Variants in ATG12 observed in about 807,000 individuals in gnomAD.
ATG12 encodes the protein autophagy related 12, also known as ubiquitin-like protein ATG12.
A neutral mutation model predicts 17.6 loss-of-function variants in ATG12; 19 were observed. The ratio of observed to expected loss-of-function variants is 1.08; its 90% confidence interval spans 0.75 to 1.58. ATG12 has a LOEUF of 1.58. ATG12 is among the 40% of genes most tolerant of loss of function. ATG12 has a pLI of 0.00. For missense variants in ATG12, 214 were observed against 162.0 expected (o/e 1.32, Z -1.74); for synonymous variants, 75 against 62.4 (o/e 1.20, Z -0.95).
intron 2 of ATG12, among the ~76,000 whole-genome samples, chr5:115,836,073 TTTTAG>T (rs1224843995): frequency 6.6e-6 from 1 of 152,182 alleles, no homozygotes; most frequent in African/African-American, 2.4e-5. Flanking sequence ...GAGGTATCAG[TTTTAG>T]TTTAATCTAG....
chr5:115,840,902 G>A (rs1309897706), intron 1 of ATG12: 32 of 1,288,198 alleles, frequency 2.5e-5, no homozygotes, highest in Non-Finnish European at 3.0e-5. Context: ...ATAAGAATTT[G>A]GTTTTTGGTT....
chr5:115,831,613 G>A lies in ATG12; in HGVS notation c.*191C>T, dbSNP rs931739782. 3.2e-6 allele frequency: 2 copies of A among 632,920 alleles called. No individual in the cohort carries two copies. The highest frequency in any genetic ancestry group is 1.8e-5 in the South Asian group (1 of 54,522). 39.2% of individuals were successfully genotyped at this position (632,920 alleles called of 1,614,324 possible). A position where few individuals can be genotyped will look rare whatever the true frequency, so the allele number is the denominator to read the frequency against. On this transcript the variant is annotated 3_prime_UTR_variant, in exon 4 of 4. Coordinates refer to ENST00000509910, the MANE Select transcript of ATG12 (RefSeq NM_004707.4). ...ATGACCATCTTTTATGATGACTGGTGCATTAATACAAATCACATTTTTCTG... is the reference window on the plus strand; with the variant it reads ...ATGACCATCTTTTATGATGACTGGTACATTAATACAAATCACATTTTTCTG...
At chr5:115,832,548 GA>G (rs898279346) in intron 3 of ATG12, 53 bp downstream of exon 3, 36 of 1,190,610 alleles carry the variant, frequency 3.0e-5, no homozygotes, top group South Asian at 8.7e-5. Context: ...ACTCGATTAA[GA>G]AAAAAAAGCA....
intron 2 of ATG12, among the ~76,000 whole-genome samples, chr5:115,836,546 C>T (rs1375509524): frequency 2.0e-5 from 3 of 152,038 alleles, no homozygotes; most frequent in African/African-American, 7.2e-5. Flanking sequence ...GTTTTTTGCT[C>T]CTCCCTGACA....
intron 2 of ATG12, chr5:115,832,890 T>G (rs1760945953): frequency 2.5e-6 from 1 of 396,558 alleles, no homozygotes; most frequent in Admixed American, 4.5e-5. Flanking sequence ...GAACAGTGGT[T>G]CCTAACTTTG....
chr5:115,841,138 C>CA (rs918059299), intron 1 of ATG12: 5 of 396,726 alleles, frequency 1.3e-5, no homozygotes, highest in East Asian at 7.3e-5. Context: ...CTGGCCAACT[C>CA]AAAAAAATAC....
Position 115,836,274 on chromosome 5 carries a change from G to A in ATG12, c.300+1354C>T, listed in dbSNP as rs546758378. Among the ~76,000 whole-genome samples, 53 of 152,280 alleles carry A rather than the reference G, an allele frequency of 3.5e-4. 1 individual carries two copies. The South Asian group carries it at 0.011, about 30-fold the overall frequency. ...ATCAATCAAGTCCTTTCAGGTTACTGAATGAATACAGGCAATACAAAATTT... is the reference window on the plus strand; with the variant it reads ...ATCAATCAAGTCCTTTCAGGTTACTAAATGAATACAGGCAATACAAAATTT... On this transcript the variant is annotated intron_variant, in intron 2 of 3. Transcript: ENST00000509910.
At chr5:115,832,798 CTAAA>C in intron 2 of ATG12, 134 bp from the exon 3 acceptor site, 1 of 799,994 alleles carries the variant, frequency 1.3e-6, no homozygotes, top group Non-Finnish European at 1.9e-6. Context: ...CCTAACTTTT[CTAAA>C]TAGTCAATTT....
At chr5:115,837,093 G>A (rs557672285) in intron 2 of ATG12, among the ~76,000 whole-genome samples, 15 of 152,146 alleles carry the variant, frequency 9.9e-5, no homozygotes, top group Admixed American at 2.0e-4. Context: ...TTATGCATGG[G>A]TATTCATGCA....
At position 115,832,571 on chromosome 5, in the gene ATG12, C is replaced by CTTTTTTTT. The variant is rs35310189; in HGVS notation, c.363+23_363+30dup. 1.5e-4 allele frequency: 120 copies of CTTTTTTTT among 802,450 alleles called. 2 individuals carry two copies. In the African/African-American group the frequency reaches 2.7e-3, roughly 18 times the overall value. 49.7% of individuals were successfully genotyped at this position (802,450 alleles called of 1,614,324 possible). On this transcript the variant is annotated intron_variant, in intron 3 of 3. Transcript: ENST00000509910. Reference sequence around the variant, plus strand: ...AAGAAAAAAAAGCAGTAATTTCTTTCTTTTTTTTTTTTTTTTTTTTTTTTT... The same window carrying CTTTTTTTT: ...AAGAAAAAAAAGCAGTAATTTCTTTCTTTTTTTTTTTTTTTTTTTTTTTTTTTTTTTTT...
At chr5:115,838,012 G>A (rs1761177213) in intron 1 of ATG12, 2 of 337,936 alleles carry the variant, frequency 5.9e-6, no homozygotes, top group Non-Finnish European at 1.1e-5. Context: ...CCAAAGAGAG[G>A]AAATACAAAT....
intron 1 of ATG12, chr5:115,838,404 G>A (rs1190465885): frequency 6.6e-6 from 1 of 152,222 alleles, no homozygotes; most frequent in African/African-American, 2.4e-5. Flanking sequence ...TTAACTGCCT[G>A]GGGTTCGAAT....
chr5:115,831,827 A>G lies in ATG12; in HGVS notation c.400T>C (p.Cys134Arg). ...GTTCATCCCCACGCCTGAGACTTGCAGTAATGTAAAACCAGTTTACCATCA... is the reference window on the plus strand; with the variant it reads ...GTTCATCCCCACGCCTGAGACTTGCGGTAATGTAAAACCAGTTTACCATCA... ...GSDGKLVLHY[C>R]KSQAWG The change falls in exon 4 of 4, where the codon TGC (cysteine) becomes CGC (arginine). Residue 134 changes from cysteine (C) to arginine (R), a missense_variant. By Grantham distance (180) the Cys-to-Arg change is radical. Coordinates refer to ENST00000509910, the MANE Select transcript of ATG12 (RefSeq NM_004707.4). The G allele has an allele frequency of 6.2e-7, 1 of 1,612,704 alleles. No individual in the cohort carries two copies. Among genetic ancestry groups the G allele is most frequent in the Non-Finnish European group, 8.5e-7 (1 of 1,179,500 alleles).
In ATG12 at chr5:115,828,822, G is replaced by A. The variant is rs1040816462; in HGVS notation, c.*2982C>T. ...AAAAACCAGAATAACTGGACACATG[G>A]CTCTGAGGCAGTATGCAATAAGTGA... is the stretch of plus-strand genomic sequence containing the variant. On this transcript the variant is annotated 3_prime_UTR_variant, in exon 4 of 4. Transcript: ENST00000509910. 1.3e-5 allele frequency: 2 copies of A among 152,170 alleles called. No homozygotes were observed. Among genetic ancestry groups the A allele is most frequent in the Non-Finnish European group, 1.5e-5 (1 of 68,016 alleles). The allele number at this position is 152,170 out of a possible 1,614,324, so 9.4% of individuals were successfully genotyped here.
intron 2 of ATG12, chr5:115,834,906 C>G (rs942259239): frequency 1.3e-5 from 2 of 152,136 alleles, no homozygotes; most frequent in African/African-American, 4.8e-5. Flanking sequence ...TATGTAGTTT[C>G]AAATCTCTTA....
In ATG12 at chr5:115,830,635, T is replaced by C. The variant is rs1302593022; in HGVS notation, c.*1169A>G. On this transcript the variant is annotated 3_prime_UTR_variant, in exon 4 of 4. Coordinates refer to ENST00000509910, the MANE Select transcript of ATG12 (RefSeq NM_004707.4). ...ACGACTCACTATACCCTTGAACTTC[T>C]GGGCTCAGGGGATCCTCTTGCCTCT... The C allele has an allele frequency of 6.6e-6, 1 of 152,128 alleles. No homozygotes were observed. The highest frequency in any genetic ancestry group is 1.9e-4 in the East Asian group (1 of 5,192). The allele number at this position is 152,128 out of a possible 1,614,324, so 9.4% of individuals were successfully genotyped here.
rs1017507132 is a variant in ATG12 at position 115,840,794 on chromosome 5, G to A, written c.163+596C>T. 21 of 1,198,076 alleles carry A rather than the reference G, an allele frequency of 1.8e-5. No individual in the cohort carries two copies. In the Admixed American group the frequency reaches 3.2e-4, roughly 18 times the overall value. The allele number at this position is 1,198,076 out of a possible 1,614,324, so 74.2% of individuals were successfully genotyped here. A position where few individuals can be genotyped will look rare whatever the true frequency, so the allele number is the denominator to read the frequency against. On this transcript the variant is annotated intron_variant, in intron 1 of 3. Transcript: ENST00000509910. ...AAGCAATAAAGGGTTGAGGATAGCT[G>A]ACTCAAGCAATGAAATAACTCACAA...
At position 115,837,735 on chromosome 5, in the gene ATG12, T is replaced by C. The variant is rs1761164489; in HGVS notation, c.193A>G (p.Thr65Ala). The C allele has an allele frequency of 1.2e-6, 2 of 1,611,290 alleles. No individual in the cohort carries two copies. Among genetic ancestry groups the C allele is most frequent in the African/African-American group, 1.3e-5 (1 of 74,690 alleles). ...IDILLKAVGD[T>A]PIMKTKKWAV... Reference sequence around the variant, plus strand: ...CACTTCTTTGTTTTCATAATAGGAGTGTCTCCCACAGCCTTTAGCAAAATG... The same window carrying C: ...CACTTCTTTGTTTTCATAATAGGAGCGTCTCCCACAGCCTTTAGCAAAATG... The change falls in exon 2 of 4, where the codon ACT (threonine) becomes GCT (alanine). Residue 65 changes from threonine (T) to alanine (A), a missense_variant. By Grantham distance (58) the Thr-to-Ala change is moderately conservative. Transcript: ENST00000509910.
Position 115,832,597 on chromosome 5 carries a change from T to A in ATG12, c.363+5A>T. On this transcript the variant is annotated splice_donor_5th_base_variant and intron_variant, in intron 3 of 3. Transcript: ENST00000509910. ...TTTTTTTTTTTTTTTTTTTTTTTTT[T>A]TTACCTCATAGAGAGTTCCAACTTC... The A allele has an allele frequency of 2.9e-6, 4 of 1,379,198 alleles. No individual in the cohort carries two copies. Among genetic ancestry groups the A allele is most frequent in the Non-Finnish European group, 3.9e-6 (4 of 1,035,846 alleles). 85.4% of individuals were successfully genotyped at this position (1,379,198 alleles called of 1,614,324 possible).
Sources: gnomAD v4.1 joint callset for allele counts (sites outside exome capture counted in the v4.1 genomes callset) on GRCh38, gnomAD v4.1.1 for gene constraint, MANE v1.5 for transcripts, NCBI Gene and HGNC (gene_info 2026-07-23, HGNC 2026-07-21) for gene names.